The following FGF3 variants were observed in gnomAD, a reference collection of about 807,000 sequenced individuals.
FGF3 encodes FGF-3.
Under a neutral mutation model 9.8 loss-of-function variants are expected in FGF3, and 7 were observed. The ratio of observed to expected loss-of-function variants is 0.72; its 90% CI spans 0.41 to 1.35. The LOEUF (loss-of-function observed/expected upper bound fraction) is 1.35, where lower values mean the gene tolerates loss of function less well. FGF3 is among the 40% of genes most tolerant of loss of function. The probability of loss-of-function intolerance (pLI) is 0.01; values close to 1 mark genes in which losing one functional copy is unlikely to be tolerated. For missense variants in FGF3, 390 were observed against 345.6 expected (o/e 1.13, Z -1.02); for synonymous variants, 173 against 157.2 (o/e 1.10, Z -0.75).
intron 1 of FGF3, among the ~76,000 whole-genome samples, chr11:69,816,808 G>A (rs1766807858): frequency 6.6e-6 from 1 of 152,200 alleles, no homozygotes; most frequent in African/African-American, 2.4e-5. Context: ...GTGCTTGAGC[G>A]GGAAATCAAG....
intron 1 of FGF3, among the ~76,000 whole-genome samples, chr11:69,818,353 C>A (rs1856175524): frequency 6.6e-6 from 1 of 152,204 alleles, no homozygotes; most frequent in East Asian, 1.9e-4. Flanking sequence ...GCAGCAGAGC[C>A]TGGAGCCCCG....
chr11:69,818,778 C>G lies in FGF3; in HGVS notation c.156G>C (p.Thr52=), dbSNP rs1554981395. 2 of 1,497,140 alleles carry G rather than the reference C, an allele frequency of 1.3e-6. No homozygotes were observed. Among genetic ancestry groups the G allele is most frequent in the Non-Finnish European group, 1.8e-6 (2 of 1,129,880 alleles). 92.7% of individuals were successfully genotyped at this position (1,497,140 alleles called of 1,614,324 possible). Residue 52 remains threonine (T), a synonymous_variant, in exon 1 of 3, where the codon ACG becomes ACC. Coordinates refer to ENST00000334134, the MANE Select transcript of FGF3 (RefSeq NM_005247.4). ...APRRRKLYCA[T]KYHLQLHPSG... The stretch of plus-strand genomic sequence containing the variant: ...TCGGGTGCAGCTGGAGGTGGTACTT[C>G]GTGGCGCAGTAGAGCTTGCGGCGCC...
intron 2 of FGF3, among the ~76,000 whole-genome samples, chr11:69,815,877 C>T (rs782781326): frequency 6.6e-6 from 1 of 152,174 alleles, no homozygotes; most frequent in South Asian, 2.1e-4. Flanking sequence ...GCCTTTCCAC[C>T]CTTGGAGAGA....
chr11:69,818,882 C>T lies in FGF3; in HGVS notation c.52G>A (p.Ala18Thr), dbSNP rs1554981434. 4 of 1,461,804 alleles carry T rather than the reference C, an allele frequency of 2.7e-6. No individual in the cohort carries two copies. Among genetic ancestry groups the T allele is most frequent in the South Asian group, 2.6e-5 (2 of 76,362 alleles). 90.6% of individuals were successfully genotyped at this position (1,461,804 alleles called of 1,614,324 possible). A position where few individuals can be genotyped will look rare whatever the true frequency, so the allele number is the denominator to read the frequency against. ...CGCAACCGCGCCCCAGGGCCCGCTG[C>T]GGGCCAGCCGGGCTCCAGCAGGCTG... ...LLSLLEPGWP[A>T]AGPGARLRRD... Residue 18 changes from alanine to threonine, a missense_variant, in exon 1 of 3, where the codon GCA becomes ACA. Coordinates refer to ENST00000334134, the MANE Select transcript of FGF3 (RefSeq NM_005247.4).
chr11:69,818,877 C>G lies in FGF3; in HGVS notation c.57G>C (p.Ala19=). ...CGCGCCGCAACCGCGCCCCAGGGCC[C>G]GCTGCGGGCCAGCCGGGCTCCAGCA... is the stretch of plus-strand genomic sequence containing the variant. ...LSLLEPGWPA[A]GPGARLRRDA... The change falls in exon 1 of 3, where the codon GCG becomes GCC. Residue 19 remains alanine (A), a synonymous_variant. Coordinates refer to ENST00000334134, the MANE Select transcript of FGF3 (RefSeq NM_005247.4). 6.8e-7 allele frequency: 1 copy of G among 1,462,612 alleles called. No individual in the cohort carries two copies. Among genetic ancestry groups the G allele is most frequent in the Non-Finnish European group, 9.0e-7 (1 of 1,113,566 alleles). The allele number at this position is 1,462,612 out of a possible 1,614,324, so 90.6% of individuals were successfully genotyped here. A position where few individuals can be genotyped will look rare whatever the true frequency, so the allele number is the denominator to read the frequency against.
intron 2 of FGF3, among the ~76,000 whole-genome samples, chr11:69,811,264 A>G (rs932323801): frequency 2.0e-5 from 3 of 152,148 alleles, no homozygotes; most frequent in Non-Finnish European, 2.9e-5. Context: ...CCTGGGCAAC[A>G]TGGCAAAACC....
rs1554980758 is a variant in FGF3, at chr11:69,813,807, G to GAT, written c.324+2512_324+2513insAT. 4.8e-3 allele frequency among the ~76,000 whole-genome samples: 287 copies of GAT among 59,708 alleles called. 8 individuals carry two copies. Among genetic ancestry groups the GAT allele is most frequent in the Non-Finnish European group, 8.4e-3 (222 of 26,550 alleles). 39.2% of individuals were successfully genotyped at this position (59,708 alleles called of 152,430 possible). A position where few individuals can be genotyped will look rare whatever the true frequency, so the allele number is the denominator to read the frequency against. ...GGATGGATGGATGGATGGATGGATG[G>GAT]GTGGATGGGTGGATGGGTGGATGGG... is the stretch of plus-strand genomic sequence containing the variant. On this transcript the variant is annotated intron_variant, in intron 2 of 2. Coordinates refer to ENST00000334134, the MANE Select transcript of FGF3 (RefSeq NM_005247.4).
intron 2 of FGF3, 121 bp from the exon 3 acceptor site, chr11:69,810,821 C>G: frequency 1.2e-6 from 1 of 831,430 alleles, no homozygotes. Context: ...CAAACCCCAG[C>G]GCACTCTCAG....
intron 2 of FGF3, 32 bp from the exon 3 acceptor site, chr11:69,810,732 C>CGGGGAGACT (rs781873512): frequency 2.0e-6 from 3 of 1,527,578 alleles, no homozygotes; most frequent in African/African-American, 1.4e-5. Context: ...GTCAGTGCCC[C>CGGGGAGACT]GGGGAGACTG....
At position 69,810,670 on chromosome 11, in the gene FGF3, C is replaced by A. The variant is rs546096461; in HGVS notation, c.355G>T (p.Glu119Ter). The change falls in exon 3 of 3, where the codon GAG becomes TAG. Residue 119 changes from glutamate to a stop codon, truncating the protein, a stop_gained. Transcript: ENST00000334134. LOFTEE classifies it low-confidence loss of function (END_TRUNC). Reference protein sequence around the residue: ...EHYSAECEFVERIHELGYNTY... With the variant: ...EHYSAECEFV ...TTATAGCCCAGCTCGTGGATCCGCT[C>A]CACAAACTCGCACTCGGCGCTGTAG... 1.3e-6 allele frequency: 2 copies of A among 1,592,282 alleles called. No homozygotes were observed. Among genetic ancestry groups the A allele is most frequent in the South Asian group, 2.2e-5 (2 of 89,058 alleles).
intron 2 of FGF3, among the ~76,000 whole-genome samples, chr11:69,812,811 C>G (rs2077500422): frequency 6.6e-6 from 1 of 152,150 alleles, no homozygotes; most frequent in African/African-American, 2.4e-5. Context: ...AATAGGCTTT[C>G]TCTTTGGGGG....
Position 69,818,949 on chromosome 11 carries a change from GC to G in FGF3, c.-17del. Reference sequence around the variant, plus strand: ...TTAGGCCCATCGTGGCATCGCGCCCGCCCCGCGGCGGCGGCGGCTGCAGGCG... The same window carrying G: ...TTAGGCCCATCGTGGCATCGCGCCCGCCCGCGGCGGCGGCGGCTGCAGGCG... On this transcript the variant is annotated 5_prime_UTR_variant, in exon 1 of 3. Transcript: ENST00000334134. 1 of 1,448,752 alleles carries G rather than the reference GC, an allele frequency of 6.9e-7. No individual in the cohort carries two copies. Among genetic ancestry groups the G allele is most frequent in the Non-Finnish European group, 9.1e-7 (1 of 1,101,618 alleles). 89.7% of individuals were successfully genotyped at this position (1,448,752 alleles called of 1,614,324 possible). A position where few individuals can be genotyped will look rare whatever the true frequency, so the allele number is the denominator to read the frequency against.
intron 2 of FGF3, among the ~76,000 whole-genome samples, chr11:69,811,543 G>T (rs1856031932): frequency 1.3e-5 from 2 of 151,992 alleles, no homozygotes; most frequent in Non-Finnish European, 2.9e-5. Context: ...AGGGGACACA[G>T]CCAGGTTTGA....
At chr11:69,815,713 AGG>A (rs1856120338) in intron 2 of FGF3, among the ~76,000 whole-genome samples, 1 of 152,138 alleles carries the variant, frequency 6.6e-6, no homozygotes, top group South Asian at 2.1e-4. Flanking sequence ...CCTTATGAAG[AGG>A]GGCGCTGCCA....
intron 1 of FGF3, among the ~76,000 whole-genome samples, chr11:69,818,352 C>A (rs1253724027): frequency 1.3e-5 from 2 of 152,202 alleles, no homozygotes; most frequent in Non-Finnish European, 2.9e-5. Context: ...AGCAGCAGAG[C>A]CTGGAGCCCC....
chr11:69,814,621 C>T (rs782072809), intron 2 of FGF3, among the ~76,000 whole-genome samples: 1 of 152,040 alleles, frequency 6.6e-6, no homozygotes, highest in South Asian at 2.1e-4. Flanking sequence ...GCAAGCTGGC[C>T]GCACGCAGGA....
In FGF3 at chr11:69,810,440, C is replaced by A. The variant is rs115545058; in HGVS notation, c.585G>T (p.Gln195His). The change falls in exon 3 of 3, where the codon CAG becomes CAT. Residue 195 changes from glutamine to histidine, a missense_variant. By Grantham distance (24) the Gln-to-His change is conservative. Transcript: ENST00000334134. ...TACCAGGGGGTCTGGGCAGCCCACT[C>A]TGTAGCTGCCGCACCATCTCGTGGT... ...HRDHEMVRQL[Q>H]SGLPRPPGKG... is the part of the protein sequence containing the mutation. 126 of 1,593,840 alleles carry A rather than the reference C, an allele frequency of 7.9e-5. No individual in the cohort carries two copies. In the East Asian group the frequency reaches 2.8e-3, roughly 36 times the overall value.
intron 2 of FGF3, among the ~76,000 whole-genome samples, chr11:69,814,517 A>AG (rs1449089171): frequency 6.6e-6 from 1 of 151,990 alleles, no homozygotes; most frequent in African/African-American, 2.4e-5. Flanking sequence ...GTCAGGGTGC[A>AG]GTGCTCACTG....
chr11:69,818,523 C>A (rs1046393875), intron 1 of FGF3, among the ~76,000 whole-genome samples, 191 bp downstream of exon 1: 8 of 152,068 alleles, frequency 5.3e-5, no homozygotes, highest in African/African-American at 1.9e-4. Flanking sequence ...AGGAGGGCAC[C>A]CTGGCATTCC....
Sources: allele counts gnomAD v4.1 joint callset (sites outside exome capture counted in the v4.1 genomes callset), GRCh38; gene constraint gnomAD v4.1.1; transcripts MANE v1.5; gene names NCBI Gene and HGNC (gene_info 2026-07-23, HGNC 2026-07-21).